PGM5: variants seen among roughly 807,000 people sequenced by gnomAD.
PGM5 encodes phosphoglucomutase-like protein 5.
A neutral mutation model predicts 59.2 loss-of-function variants in PGM5; 23 were observed. The observed-to-expected ratio is 0.39, with a 90% CI of 0.28 to 0.55. The LOEUF is 0.55. Among genes scored for constraint, PGM5 ranks in the 20% least tolerant of loss-of-function variants. The pLI is 0.66. For synonymous variants in PGM5, 214 were observed against 286.0 expected (o/e 0.75, Z 2.54); for missense variants, 574 against 748.3 (o/e 0.77, Z 2.72).
At chr9:68,462,375 G>A (rs1823869335) in intron 6 of PGM5, among the ~76,000 whole-genome samples, 1 of 152,168 alleles carries the variant, frequency 6.6e-6, no homozygotes, top group African/African-American at 2.4e-5. Context: ...TGTTTGGGAT[G>A]AATCCCAAGT....
intron 7 of PGM5, among the ~76,000 whole-genome samples, chr9:68,471,712 A>G (rs1401980448): frequency 4.6e-5 from 7 of 151,836 alleles, no homozygotes; most frequent in African/African-American, 1.7e-4. Context: ...TGAGGTCAGG[A>G]GTTCAAGACC....
At chr9:68,455,901 A>G (rs1003829454) in intron 6 of PGM5, among the ~76,000 whole-genome samples, 1 of 152,266 alleles carries the variant, frequency 6.6e-6, no homozygotes, top group Non-Finnish European at 1.5e-5. Flanking sequence ...ACAAAAGAAC[A>G]TACAATTTCT....
intron 6 of PGM5, among the ~76,000 whole-genome samples, chr9:68,438,576 T>C (rs1184967987): frequency 6.6e-6 from 1 of 152,200 alleles, no homozygotes; most frequent in African/African-American, 2.4e-5. Flanking sequence ...CCCCATTGTA[T>C]GTGGCTATAA....
chr9:68,439,111 C>A (rs1171210429), intron 6 of PGM5, among the ~76,000 whole-genome samples: 6 of 152,000 alleles, frequency 3.9e-5, no homozygotes, highest in African/African-American at 1.2e-4. Flanking sequence ...GCCTGAAGTC[C>A]CAACACTTTG....
At chr9:68,368,689 G>T (rs1380948655) in intron 1 of PGM5, among the ~76,000 whole-genome samples, 6 of 151,738 alleles carry the variant, frequency 4.0e-5, no homozygotes, top group Non-Finnish European at 7.4e-5. Context: ...CTGTCATCCA[G>T]GCTGGAGTGC....
intron 9 of PGM5, among the ~76,000 whole-genome samples, chr9:68,495,066 A>G (rs572772385): frequency 2.6e-5 from 4 of 152,280 alleles, no homozygotes; most frequent in Non-Finnish European, 4.4e-5. Context: ...AATGATGATG[A>G]ATGAGGTATA....
At chr9:68,385,205 C>G (rs1822184727) in intron 3 of PGM5, among the ~76,000 whole-genome samples, 1 of 131,670 alleles carries the variant, frequency 7.6e-6, no homozygotes. Flanking sequence ...GACCATATGA[C>G]AACAACATTA....
intron 6 of PGM5, among the ~76,000 whole-genome samples, chr9:68,454,543 C>T (rs1823743300): frequency 6.6e-6 from 1 of 152,206 alleles, no homozygotes; most frequent in African/African-American, 2.4e-5. Flanking sequence ...GCCGATCACT[C>T]TTGCCGATGC....
At chr9:68,364,003 C>T (rs1490173585) in intron 1 of PGM5, among the ~76,000 whole-genome samples, 4 of 152,328 alleles carry the variant, frequency 2.6e-5, no homozygotes, top group African/African-American at 9.6e-5. Context: ...TTGAATATAA[C>T]CTGTAGTGGG....
chr9:68,490,419 TCACTGCAA>T (rs1297924851), intron 9 of PGM5, among the ~76,000 whole-genome samples: 9 of 152,368 alleles, frequency 5.9e-5, no homozygotes, highest in Admixed American at 6.5e-5. Flanking sequence ...TGATCTTGGC[TCACTGCAA>T]CACTGCAACC....
chr9:68,523,674 T>C (rs1303778666), intron 10 of PGM5, among the ~76,000 whole-genome samples: 2 of 152,128 alleles, frequency 1.3e-5, no homozygotes, highest in Non-Finnish European at 2.9e-5. Context: ...CTACCTGCAT[T>C]TCTGGTTTGT....
intron 6 of PGM5, among the ~76,000 whole-genome samples, chr9:68,426,647 T>A (rs1484013186): frequency 1.3e-5 from 2 of 151,678 alleles, no homozygotes; most frequent in Non-Finnish European, 1.5e-5. Flanking sequence ...TCTCTGGGAC[T>A]AGTTCCAGAA....
chr9:68,386,809 T>C (rs1822232002), intron 3 of PGM5, among the ~76,000 whole-genome samples: 2 of 152,032 alleles, frequency 1.3e-5, no homozygotes, highest in African/African-American at 2.4e-5. Context: ...TGAATAAAAC[T>C]TTTTGGATTA....
At chr9:68,418,577 T>C (rs782771139) in intron 6 of PGM5, among the ~76,000 whole-genome samples, 58 of 152,070 alleles carry the variant, frequency 3.8e-4, no homozygotes, top group Non-Finnish European at 4.7e-4. Flanking sequence ...AAATCTCCGA[T>C]GCTGCAGCTG....
chr9:68,500,646 C>T (rs1250016823), intron 10 of PGM5, among the ~76,000 whole-genome samples: 1 of 152,178 alleles, frequency 6.6e-6, no homozygotes, highest in Non-Finnish European at 1.5e-5. Flanking sequence ...GAATTTGGGG[C>T]TTACCCTGTC....
intron 1 of PGM5, among the ~76,000 whole-genome samples, chr9:68,372,671 A>C (rs2131985192): frequency 6.6e-6 from 1 of 152,300 alleles, no homozygotes; most frequent in East Asian, 1.9e-4. Context: ...GAGGCTGGGT[A>C]ATTTACAAAG....
At chr9:68,429,017 G>C (rs532352832) in intron 6 of PGM5, 1 of 152,130 alleles carries the variant, frequency 6.6e-6, no homozygotes, top group African/African-American at 2.4e-5. Flanking sequence ...TTCTTGATCT[G>C]CAAAATGAAG....
chr9:68,489,679 C>G (rs1194150610), intron 9 of PGM5, among the ~76,000 whole-genome samples: 1 of 152,010 alleles, frequency 6.6e-6, no homozygotes, highest in Non-Finnish European at 1.5e-5. Context: ...GTTGGCCAGT[C>G]TGATCTCAAA....
At chr9:68,515,260 T>C (rs570371757) in intron 10 of PGM5, among the ~76,000 whole-genome samples, 28 of 152,392 alleles carry the variant, frequency 1.8e-4, no homozygotes, top group African/African-American at 6.5e-4. Flanking sequence ...TTAATTTCAC[T>C]AATAGTCTTT....
Sources: gnomAD v4.1 joint callset for allele counts (sites outside exome capture counted in the v4.1 genomes callset) on GRCh38, gnomAD v4.1.1 for gene constraint, MANE v1.5 for transcripts, NCBI Gene and HGNC (gene_info 2026-07-23, HGNC 2026-07-21) for gene names.